TMEM161A: variants seen among roughly 807,000 people sequenced by gnomAD.
TMEM161A encodes the protein transmembrane protein 161A.
In TMEM161A, 46 loss-of-function variants were observed where a neutral mutation model predicts 57.1. The observed-to-expected ratio is 0.81, with a 90% confidence interval of 0.64 to 1.03. TMEM161A has a LOEUF of 1.03. Ranked by LOEUF, TMEM161A falls within the 50% of genes least tolerant of loss-of-function variation. The pLI is 0.00. For missense variants in TMEM161A, 601 were observed against 621.5 expected, an observed-to-expected ratio of 0.97 and a Z score of 0.35; for synonymous variants, 288 against 279.0, an observed-to-expected ratio of 1.03 and a Z score of -0.32.
rs992941374 is a variant in TMEM161A, at chr19:19,132,565, C to T, written c.287-57G>A. 3.2e-6 allele frequency: 5 copies of T among 1,585,260 alleles called. No homozygotes were observed. Among genetic ancestry groups the T allele is most frequent in the Non-Finnish European group, 4.3e-6 (5 of 1,165,054 alleles). On this transcript the variant is annotated intron_variant, in intron 4 of 11. Transcript: ENST00000162044. The surrounding 1 kb of genome is among the most constrained non-coding windows in gnomAD (Gnocchi z 4.3). ...CCAGCTCGCTCCCCTCCTAATAGAA[C>T]ATTCTTCCTTCAAATCCTCCCCACC...
At chr19:19,133,461 ACTTTT>A (rs1454484350) in intron 2 of TMEM161A, 11 of 459,818 alleles carry the variant, frequency 2.4e-5, no homozygotes, top group East Asian at 7.1e-5. Context: ...AGTGTGTGCA[ACTTTT>A]CTTTTCTTTT....
chr19:19,126,478 C>A (rs1046473164), intron 6 of TMEM161A, among the ~76,000 whole-genome samples: 2 of 152,178 alleles, frequency 1.3e-5, no homozygotes, highest in Admixed American at 1.3e-4. Context: ...GTAATCCCAG[C>A]ACTTTGGAAG....
At chr19:19,120,913 C>A in intron 10 of TMEM161A, 52 bp from the exon 11 acceptor site, 1 of 1,611,612 alleles carries the variant, frequency 6.2e-7, no homozygotes, top group Non-Finnish European at 8.5e-7. Flanking sequence ...TGGTTTGGGA[C>A]GACTCCACGC....
intron 1 of TMEM161A, 98 bp from the exon 2 acceptor site, chr19:19,134,985 T>G: frequency 1.2e-6 from 1 of 860,614 alleles, no homozygotes; most frequent in Non-Finnish European, 1.8e-6. Context: ...TCAGGCTGGA[T>G]GGGGGAAGGG....
rs1386875119 is a variant in TMEM161A, at chr19:19,120,024, C to T, written c.1346G>A (p.Gly449Asp). Residue 449 changes from glycine (G) to aspartate (D), a missense_variant, in exon 12 of 12, where the codon GGC becomes GAC. By Grantham distance (94) the Gly-to-Asp change is moderately conservative. Transcript: ENST00000162044. The stretch of plus-strand genomic sequence containing the variant: ...CCACCAGATGAGGTAGGCCAGGACG[C>T]CACGGAGGAAGAGGGGAGTAAGCAG... ...GGLLTPLFLR[G>D]VLAYLIWWTA... The T allele has an allele frequency of 1.3e-6, 2 of 1,599,350 alleles. No homozygotes were observed. Among genetic ancestry groups the T allele is most frequent in the Admixed American group, 3.5e-5 (2 of 57,890 alleles).
At chr19:19,128,922 T>C (rs2059944334) in intron 6 of TMEM161A, among the ~76,000 whole-genome samples, 1 of 151,918 alleles carries the variant, frequency 6.6e-6, no homozygotes, top group African/African-American at 2.4e-5. Flanking sequence ...TTTACCACAA[T>C]GAAAAAAAAT....
In TMEM161A at chr19:19,130,215, A is replaced by C; in HGVS notation, c.536T>G (p.Leu179Arg). The change falls in exon 6 of 12, where the codon CTG becomes CGG. Residue 179 changes from leucine to arginine, a missense_variant. Transcript: ENST00000162044. ...CACCACTTGCACCAGCATGGCCAGCAGCAGGAAGAGGAAGGCAAAGGTGAG... is the reference window on the plus strand; with the variant it reads ...CACCACTTGCACCAGCATGGCCAGCCGCAGGAAGAGGAAGGCAAAGGTGAG... ...VCLTFAFLFL[L>R]LAMLVQVVRE... is the part of the protein sequence containing the mutation. The C allele has an allele frequency of 6.2e-7, 1 of 1,614,010 alleles. No individual in the cohort carries two copies. Among genetic ancestry groups the C allele is most frequent in the Non-Finnish European group, 8.5e-7 (1 of 1,180,040 alleles).
At position 19,130,046 on chromosome 19, in the gene TMEM161A, G is replaced by A; in HGVS notation, c.595+110C>T. 3.9e-6 allele frequency: 5 copies of A among 1,285,722 alleles called. No individual in the cohort carries two copies. The East Asian group carries it at 7.4e-5, about 19-fold the overall frequency. The allele number at this position is 1,285,722 out of a possible 1,614,324, so 79.6% of individuals were successfully genotyped here. A position where few individuals can be genotyped will look rare whatever the true frequency, so the allele number is the denominator to read the frequency against. On this transcript the variant is annotated intron_variant, in intron 6 of 11. Transcript: ENST00000162044. Reference sequence around the variant, plus strand: ...AATGGGGACTGCCTTCACCCCAGGAGCCCACTCCTTTGCCTACTCGTGCTG... The same window carrying A: ...AATGGGGACTGCCTTCACCCCAGGAACCCACTCCTTTGCCTACTCGTGCTG...
chr19:19,133,306 C>G (rs746715058), intron 2 of TMEM161A, 96 bp from the exon 3 acceptor site: 2 of 1,145,420 alleles, frequency 1.7e-6, no homozygotes, highest in Non-Finnish European at 2.6e-6. Flanking sequence ...TAGAGGGTAG[C>G]CTAGGCCAGG....
chr19:19,135,949 T>A (rs1365520861), intron 1 of TMEM161A, among the ~76,000 whole-genome samples: 1 of 151,946 alleles, frequency 6.6e-6, no homozygotes, highest in Non-Finnish European at 1.5e-5. Flanking sequence ...TGGGCTCAAG[T>A]GATCCTCCCA....
At chr19:19,135,815 A>G (rs2059982389) in intron 1 of TMEM161A, among the ~76,000 whole-genome samples, 1 of 152,170 alleles carries the variant, frequency 6.6e-6, no homozygotes, top group African/African-American at 2.4e-5. Flanking sequence ...GGCTCAAGCA[A>G]TCCTCCTGCC....
At chr19:19,136,706 A>G (rs1421656784) in intron 1 of TMEM161A, among the ~76,000 whole-genome samples, 1 of 152,078 alleles carries the variant, frequency 6.6e-6, no homozygotes, top group Non-Finnish European at 1.5e-5. Flanking sequence ...ATAACAGACT[A>G]ATAGGACATT....
At chr19:19,125,768 G>A (rs947705369) in intron 6 of TMEM161A, among the ~76,000 whole-genome samples, 1 of 151,776 alleles carries the variant, frequency 6.6e-6, no homozygotes, top group Admixed American at 6.6e-5. Context: ...TGCCCATCTC[G>A]GCCTCCCAAA....
At position 19,132,908 on chromosome 19, in the gene TMEM161A, A is replaced by G; in HGVS notation, c.189-154T>C. 1 of 746,582 alleles carries G rather than the reference A, an allele frequency of 1.3e-6. No individual in the cohort carries two copies. The highest frequency in any genetic ancestry group is 2.1e-6 in the Non-Finnish European group (1 of 466,446). 46.2% of individuals were successfully genotyped at this position (746,582 alleles called of 1,614,324 possible). On this transcript the variant is annotated intron_variant, in intron 3 of 11. Coordinates refer to ENST00000162044, the MANE Select transcript of TMEM161A (RefSeq NM_017814.3). This position sits in a 1 kb window ranked among gnomAD's most constrained non-coding sequence, Gnocchi z 4.3. ...GATATGGGGATCCCCCCACCCACCC[A>G]CAGGACTGGCTAGAGCAAACTGCCA...
intron 2 of TMEM161A, among the ~76,000 whole-genome samples, chr19:19,133,754 G>T (rs1054908124): frequency 6.6e-6 from 1 of 152,102 alleles, no homozygotes; most frequent in Admixed American, 6.6e-5. Context: ...TTACAGGTGT[G>T]AGCCACCTCG....
At chr19:19,133,053 C>G in intron 3 of TMEM161A, 77 bp downstream of exon 3, 9 of 1,366,346 alleles carry the variant, frequency 6.6e-6, no homozygotes, top group Admixed American at 2.1e-5. Context: ...GAGCCCAGAG[C>G]CCCCTGAGCA....
At chr19:19,123,335 A>C (rs2059918644) in intron 6 of TMEM161A, among the ~76,000 whole-genome samples, 1 of 152,212 alleles carries the variant, frequency 6.6e-6, no homozygotes. Context: ...AAACCATGTA[A>C]ATAAAAAGAA....
At chr19:19,124,870 G>T (rs184475957) in intron 6 of TMEM161A, among the ~76,000 whole-genome samples, 1 of 152,054 alleles carries the variant, frequency 6.6e-6, no homozygotes, top group African/African-American at 2.4e-5. Context: ...CAGAAGAATT[G>T]CTTGAACCCA....
chr19:19,120,251 A>C (rs1287082382), intron 11 of TMEM161A, 68 bp from the exon 12 acceptor site: 6 of 1,326,718 alleles, frequency 4.5e-6, no homozygotes, highest in Non-Finnish European at 6.1e-6. Flanking sequence ...CAGGGCTGGC[A>C]CGGGGGGCCA....
Sources: gnomAD v4.1 joint callset for allele counts (sites outside exome capture counted in the v4.1 genomes callset) on GRCh38, gnomAD v4.1.1 for gene constraint, Gnocchi (gnomAD v3.1) non-coding constraint, MANE v1.5 for transcripts, NCBI Gene and HGNC (gene_info 2026-07-23, HGNC 2026-07-21) for gene names.